KCNMA1: variants seen among roughly 807,000 people sequenced by gnomAD.
KCNMA1 encodes the protein Calcium-activated potassium channel subunit alpha-1.
KCNMA1 carries 29 observed loss-of-function variants against 140.0 expected under a neutral mutation model. That is an observed-to-expected ratio of 0.21 (90% CI 0.15 to 0.28). The LOEUF (loss-of-function observed/expected upper bound fraction) is 0.28, where lower values mean the gene tolerates loss of function less well. Among genes scored for constraint, KCNMA1 ranks in the 10% least tolerant of loss-of-function variants. The probability of loss-of-function intolerance (pLI) is 1.00; values close to 1 mark genes in which losing one functional copy is unlikely to be tolerated. For synonymous variants in KCNMA1, 612 were observed against 611.9 expected, an observed-to-expected ratio of 1.00 and a Z score of 0.00; for missense variants, 880 against 1,602.2, an observed-to-expected ratio of 0.55 and a Z score of 7.70.
At position 77,632,930 on chromosome 10, in the gene KCNMA1, G is replaced by C. The variant is rs368700076; in HGVS notation, c.378+4335C>G. ...TAACCAAAGCTCAACATGGTTGGCA[G>C]TCAAAGATGCCCTGCTAATAAATGT... On this transcript the variant is annotated intron_variant, in intron 1 of 27. Coordinates refer to ENST00000286628, the MANE Select transcript of KCNMA1 (RefSeq NM_001161352.2). Among the ~76,000 whole-genome samples the C allele has an allele frequency of 5.3e-5, 8 of 152,256 alleles. No individual in the cohort carries two copies. In the South Asian group the frequency reaches 1.7e-3, roughly 32 times the overall value.
At chr10:77,220,381 A>C (rs2049200999) in intron 3 of KCNMA1, among the ~76,000 whole-genome samples, 1 of 152,184 alleles carries the variant, frequency 6.6e-6, no homozygotes, top group Non-Finnish European at 1.5e-5. Context: ...CGGCCTGCTT[A>C]GATGTTCATG....
intron 3 of KCNMA1, among the ~76,000 whole-genome samples, chr10:77,239,964 A>G (rs1490069179): frequency 2.0e-5 from 3 of 152,230 alleles, no homozygotes; most frequent in Admixed American, 6.5e-5. Flanking sequence ...AGTTTCATAC[A>G]ATGTGCCCAT....
chr10:76,899,180 C>G (rs189231449), intron 25 of KCNMA1, among the ~76,000 whole-genome samples: 1 of 152,176 alleles, frequency 6.6e-6, no homozygotes, highest in East Asian at 1.9e-4. Context: ...TGTTCCTTAA[C>G]ATGTAAATAG....
intron 2 of KCNMA1, among the ~76,000 whole-genome samples, chr10:77,282,071 C>T (rs1029662207): frequency 3.3e-5 from 5 of 152,192 alleles, no homozygotes; most frequent in African/African-American, 7.2e-5. Flanking sequence ...GGTTCTGCCA[C>T]GATCCTTAAA....
intron 1 of KCNMA1, among the ~76,000 whole-genome samples, chr10:77,432,855 G>A (rs2097181311): frequency 6.6e-6 from 1 of 152,276 alleles, no homozygotes; most frequent in South Asian, 2.1e-4. Flanking sequence ...TTACAGAGGG[G>A]GAAGGGGCAG....
At chr10:77,039,721 CAAAT>C (rs1423924175) in intron 14 of KCNMA1, 84 bp from the exon 15 acceptor site, 8 of 806,264 alleles carry the variant, frequency 9.9e-6, no homozygotes, top group Admixed American at 1.9e-5. Context: ...CTTAGGCAAA[CAAAT>C]GAATGCACTG....
At chr10:76,874,573 C>T (rs2032013377), downstream of KCNMA1, 3 of 152,160 alleles carry the variant, frequency 2.0e-5, no homozygotes, top group African/African-American at 7.2e-5. Flanking sequence ...TGTGCTTTTT[C>T]TCCTTTCAAC....
intron 20 of KCNMA1, among the ~76,000 whole-genome samples, chr10:76,958,194 A>C (rs1314888429): frequency 6.6e-6 from 1 of 152,188 alleles, no homozygotes; most frequent in Admixed American, 6.5e-5. Flanking sequence ...AGGGATCCCA[A>C]CATCTTCAGT....
chr10:77,516,015 C>T (rs1279317182), intron 1 of KCNMA1, among the ~76,000 whole-genome samples: 1 of 152,164 alleles, frequency 6.6e-6, no homozygotes, highest in Non-Finnish European at 1.5e-5. Context: ...AGAACTGAAC[C>T]AGCAACTTCT....
chr10:77,130,165 T>C (rs77947362), intron 5 of KCNMA1, among the ~76,000 whole-genome samples: 3,454 of 152,290 alleles, frequency 0.023, 138 homozygotes, highest in African/African-American at 0.079. Flanking sequence ...TTCAACTTAA[T>C]GATTTTCTGA....
intron 15 of KCNMA1, among the ~76,000 whole-genome samples, chr10:77,030,014 T>A (rs778405120): frequency 1.3e-5 from 2 of 152,206 alleles, no homozygotes; most frequent in Non-Finnish European, 2.9e-5. Flanking sequence ...TAGGGGGATG[T>A]GTTGCTTTCA....
At chr10:76,894,185 T>C (rs1040899288) in intron 25 of KCNMA1, among the ~76,000 whole-genome samples, 15 of 152,230 alleles carry the variant, frequency 9.9e-5, no homozygotes, top group African/African-American at 3.4e-4. Flanking sequence ...AGTTATGATC[T>C]ATTAATTTTC....
chr10:76,930,708 T>C (rs946258463), intron 23 of KCNMA1, among the ~76,000 whole-genome samples: 2 of 152,164 alleles, frequency 1.3e-5, no homozygotes, highest in African/African-American at 4.8e-5. Flanking sequence ...ATAGCCAAGA[T>C]ATAGAAACCA....
At chr10:77,564,573 ACT>A (rs1469652790) in intron 1 of KCNMA1, among the ~76,000 whole-genome samples, 1 of 152,054 alleles carries the variant, frequency 6.6e-6, no homozygotes, top group Non-Finnish European at 1.5e-5. Flanking sequence ...ACAGAGCAAG[ACT>A]CTGTCTCAAA....
intron 1 of KCNMA1, among the ~76,000 whole-genome samples, chr10:77,523,366 T>C (rs1449312356): frequency 1.3e-5 from 2 of 152,210 alleles, no homozygotes; most frequent in Non-Finnish European, 2.9e-5. Flanking sequence ...GTCCCATTGG[T>C]AAATATAGCT....
At chr10:76,907,946 T>A (rs900325649) in intron 25 of KCNMA1, among the ~76,000 whole-genome samples, 1 of 152,224 alleles carries the variant, frequency 6.6e-6, no homozygotes, top group Non-Finnish European at 1.5e-5. Context: ...AGAAACATAC[T>A]AAATATCTGA....
intron 2 of KCNMA1, among the ~76,000 whole-genome samples, chr10:77,258,627 G>C (rs1356811956): frequency 1.3e-5 from 2 of 152,162 alleles, no homozygotes; most frequent in African/African-American, 4.8e-5. Context: ...AAGTATAGTT[G>C]ATATGTTCTT....
intron 2 of KCNMA1, among the ~76,000 whole-genome samples, chr10:77,275,269 AG>A (rs1271620175): frequency 3.3e-5 from 5 of 152,136 alleles, no homozygotes; most frequent in African/African-American, 1.2e-4. Flanking sequence ...GTTTGCCTGG[AG>A]GTTTAAAGGA....
intron 2 of KCNMA1, among the ~76,000 whole-genome samples, chr10:77,252,044 C>A (rs949762059): frequency 6.6e-6 from 1 of 152,182 alleles, no homozygotes; most frequent in Non-Finnish European, 1.5e-5. Flanking sequence ...GTCAATTAGG[C>A]AATCCATTAG....
Sources: allele counts gnomAD v4.1 joint callset (sites outside exome capture counted in the v4.1 genomes callset), GRCh38; gene constraint gnomAD v4.1.1; transcripts MANE v1.5; gene names NCBI Gene and HGNC (gene_info 2026-07-23, HGNC 2026-07-21).